The following TUFT1 variants were observed in gnomAD, a reference collection of about 807,000 sequenced individuals.
The protein encoded by TUFT1 is tuftelin.
In TUFT1, 43 loss-of-function variants were observed where a neutral mutation model predicts 57.8. That is an observed-to-expected ratio of 0.74 (90% confidence interval 0.58 to 0.96). The LOEUF (loss-of-function observed/expected upper bound fraction) is 0.96. Ranked by LOEUF, TUFT1 falls within the 40% of genes least tolerant of loss-of-function variation. The probability of loss-of-function intolerance (pLI) is 0.00; values close to 1 mark genes in which losing one functional copy is unlikely to be tolerated. For synonymous variants in TUFT1, 166 were observed against 176.7 expected (o/e 0.94, Z 0.48); for missense variants, 459 against 489.0 (o/e 0.94, Z 0.58).
chr1:151,577,134 C>T (rs1482913278), intron 9 of TUFT1, among the ~76,000 whole-genome samples: 2 of 152,164 alleles, frequency 1.3e-5, no homozygotes, highest in Non-Finnish European at 2.9e-5. Flanking sequence ...AATGAACAAA[C>T]AGATGAGGTA....
In TUFT1 at chr1:151,563,885, A is replaced by AT; in HGVS notation, c.238-19_238-18insT. 6.2e-7 allele frequency: 1 copy of AT among 1,607,284 alleles called. No individual in the cohort carries two copies. Among genetic ancestry groups the AT allele is most frequent in the Non-Finnish European group, 8.5e-7 (1 of 1,173,836 alleles). On this transcript the variant is annotated intron_variant, in intron 3 of 12. Coordinates refer to ENST00000368849, the MANE Select transcript of TUFT1 (RefSeq NM_020127.3). Reference sequence around the variant, plus strand: ...AATTTAATTTGAGGTTTCTTAACTAAATGGTGTTCTTATTTCAGGTGTACT... The same window carrying AT: ...AATTTAATTTGAGGTTTCTTAACTAATATGGTGTTCTTATTTCAGGTGTACT...
At position 151,579,645 on chromosome 1, in the gene TUFT1, G is replaced by T; in HGVS notation, c.925-4G>T. On this transcript the variant is annotated splice_polypyrimidine_tract_variant and splice_region_variant and intron_variant, in intron 10 of 12. Transcript: ENST00000368849. Reference sequence around the variant, plus strand: ...GAGCTCCAGTGTCTCCCACACCTTTGCAGCTCCAGAATTCAAAAGCTGTGA... The same window carrying T: ...GAGCTCCAGTGTCTCCCACACCTTTTCAGCTCCAGAATTCAAAAGCTGTGA... The T allele has an allele frequency of 6.2e-7, 1 of 1,613,806 alleles. No individual in the cohort carries two copies. The highest frequency in any genetic ancestry group is 8.5e-7 in the Non-Finnish European group (1 of 1,179,870).
At chr1:151,566,582 C>G (rs1286083769) in intron 6 of TUFT1, among the ~76,000 whole-genome samples, 1 of 152,118 alleles carries the variant, frequency 6.6e-6, no homozygotes, top group Admixed American at 6.6e-5. Context: ...GCCTGGGCAT[C>G]AGGACTTTTA....
chr1:151,562,514 G>A, intron 2 of TUFT1, 71 bp from the exon 3 acceptor site: 2 of 1,348,878 alleles, frequency 1.5e-6, no homozygotes, highest in Non-Finnish European at 2.1e-6. Context: ...AGGGGCAGGA[G>A]TTCTGGGCTT....
chr1:151,569,989 G>T (rs77670000), intron 7 of TUFT1, among the ~76,000 whole-genome samples: 3,094 of 152,266 alleles, frequency 0.02, 110 homozygotes, highest in African/African-American at 0.071. Context: ...GTCAGCTCGG[G>T]ATTCTCTGCT....
chr1:151,552,065 A>G (rs549344786), intron 1 of TUFT1, among the ~76,000 whole-genome samples: 1 of 152,214 alleles, frequency 6.6e-6, no homozygotes, highest in African/African-American at 2.4e-5. Context: ...TGCAAATTAT[A>G]TTAGTTTTGC....
chr1:151,546,400 A>G (rs886217809), intron 1 of TUFT1, among the ~76,000 whole-genome samples: 2 of 152,218 alleles, frequency 1.3e-5, no homozygotes, highest in African/African-American at 4.8e-5. Context: ...CATATACCCC[A>G]TTTAAAGTAT....
chr1:151,569,976 A>G (rs140590235), intron 7 of TUFT1: 550 of 519,750 alleles, frequency 1.1e-3, no homozygotes, highest in Non-Finnish European at 1.7e-3. Context: ...CCATAGTTCA[A>G]AGGTCAGCTC....
intron 4 of TUFT1, 87 bp downstream of exon 4, chr1:151,564,077 G>A (rs1665986841): frequency 7.4e-6 from 8 of 1,085,250 alleles, no homozygotes; most frequent in Non-Finnish European, 1.1e-5. Flanking sequence ...GTGGATTCTG[G>A]TTTTTCCCCT....
chr1:151,578,554 A>G lies in TUFT1; in HGVS notation c.819-167A>G, dbSNP rs571005572. On this transcript the variant is annotated intron_variant, in intron 9 of 12. Transcript: ENST00000368849. The stretch of plus-strand genomic sequence containing the variant: ...TGAACTCCTGACCTCAGTGCTTCCA[A>G]TGTGATATTCTAAGGTACCCACCAC... Among the ~76,000 whole-genome samples, 4 of 152,148 alleles carry G rather than the reference A, an allele frequency of 2.6e-5. No homozygotes were observed. In the South Asian group the frequency reaches 8.3e-4, roughly 32 times the overall value.
At chr1:151,569,606 C>T (rs1666186126) in intron 6 of TUFT1, 51 bp from the exon 7 acceptor site, 1 of 1,518,466 alleles carries the variant, frequency 6.6e-7, no homozygotes, top group African/African-American at 1.4e-5. Context: ...CCTTTTCTTA[C>T]TGAGTCAGAA....
chr1:151,561,926 G>A (rs1408545173), intron 1 of TUFT1, 165 bp from the exon 2 acceptor site: 1 of 1,511,652 alleles, frequency 6.6e-7, no homozygotes, highest in Admixed American at 2.1e-5. Flanking sequence ...CCTGATCTTG[G>A]GCAAGGTAAT....
intron 7 of TUFT1, among the ~76,000 whole-genome samples, chr1:151,573,623 A>C (rs532365526): frequency 3.4e-4 from 52 of 152,294 alleles, no homozygotes; most frequent in South Asian, 1.7e-3. Context: ...ACATGCCTGT[A>C]ATCCCAGCTA....
chr1:151,574,644 C>T (rs1666388889), intron 8 of TUFT1, among the ~76,000 whole-genome samples: 7 of 152,196 alleles, frequency 4.6e-5, no homozygotes, highest in Admixed American at 4.6e-4. Context: ...GTCCTGGTTT[C>T]TCAGGGACTG....
chr1:151,564,220 C>T (rs980039014), intron 4 of TUFT1, among the ~76,000 whole-genome samples: 10 of 152,146 alleles, frequency 6.6e-5, no homozygotes, highest in East Asian at 3.8e-4. Flanking sequence ...AGCCACCTAT[C>T]GAAAATTACC....
chr1:151,569,775 G>A lies in TUFT1; in HGVS notation c.594+5G>A. On this transcript the variant is annotated splice_donor_5th_base_variant and intron_variant, in intron 7 of 12. Transcript: ENST00000368849. ...TCAGACTGTGTGGCTTTTGAGGTGAGATTTGGGATTTGGGGAGAAGGTGCC... is the reference window on the plus strand; with the variant it reads ...TCAGACTGTGTGGCTTTTGAGGTGAAATTTGGGATTTGGGGAGAAGGTGCC... 2 of 1,612,084 alleles carry A rather than the reference G, an allele frequency of 1.2e-6. No homozygotes were observed. The highest frequency in any genetic ancestry group is 1.7e-6 in the Non-Finnish European group (2 of 1,178,276).
At position 151,566,185 on chromosome 1, in the gene TUFT1, G is replaced by T. The variant is rs138156504; in HGVS notation, c.437G>T (p.Gly146Val). 1.9e-6 allele frequency: 3 copies of T among 1,611,206 alleles called. No homozygotes were observed. Among genetic ancestry groups the T allele is most frequent in the Non-Finnish European group, 1.7e-6 (2 of 1,178,938 alleles). Residue 146 changes from glycine to valine, a missense_variant, in exon 6 of 13, where the codon GGC becomes GTC. Coordinates refer to ENST00000368849, the MANE Select transcript of TUFT1 (RefSeq NM_020127.3). ...CAGGTGGTGCTAGAAAAGCCAAATG[G>T]CTTTAGTCAGAGTCCCACAGCCCTG... The part of the protein sequence containing the change: ...EIQVVLEKPN[G>V]FSQSPTALYS...
rs757304767 is a variant in TUFT1 at position 151,581,042 on chromosome 1, G to C, written c.1109G>C (p.Ser370Thr). The C allele has an allele frequency of 2.5e-6, 4 of 1,614,030 alleles. No homozygotes were observed. The highest frequency in any genetic ancestry group is 3.4e-6 in the Non-Finnish European group (4 of 1,179,934). ...CGGGCCAAGACAGAGAACCCGGGCAGGTGAGTGAGCGTGTGTAGATAGAAT... is the reference window on the plus strand; with the variant it reads ...CGGGCCAAGACAGAGAACCCGGGCACGTGAGTGAGCGTGTGTAGATAGAAT... ...QARAKTENPG[S>T]IRISKPPSPK... is the part of the protein sequence containing the mutation. Residue 370 changes from serine (S) to threonine (T), a missense_variant and splice_region_variant, in exon 12 of 13, where the codon AGT becomes ACT. Transcript: ENST00000368849.
intron 5 of TUFT1, 109 bp downstream of exon 5, chr1:151,564,723 G>A (rs537705863): frequency 4.3e-6 from 4 of 924,820 alleles, no homozygotes; most frequent in Admixed American, 4.2e-5. Context: ...TCCCTGCCAG[G>A]AATGGAGAAA....
Sources: allele counts gnomAD v4.1 joint callset (sites outside exome capture counted in the v4.1 genomes callset), GRCh38; gene constraint gnomAD v4.1.1; transcripts MANE v1.5; gene names NCBI Gene and HGNC (gene_info 2026-07-23, HGNC 2026-07-21).